The following TXNRD1 variants were observed in gnomAD, a reference collection of about 807,000 sequenced individuals.
The protein encoded by TXNRD1 is thioredoxin reductase 1, cytoplasmic.
TXNRD1 carries 57 observed loss-of-function variants against 80.3 expected under a neutral mutation model. That is an observed-to-expected ratio of 0.71 (90% CI 0.57 to 0.89). TXNRD1 has a LOEUF of 0.89. TXNRD1 is among the 40% of genes least tolerant of loss of function. The probability of loss-of-function intolerance (pLI) is 0.00; values close to 1 mark genes in which losing one functional copy is unlikely to be tolerated. For missense variants in TXNRD1, 730 were observed against 803.0 expected (o/e 0.91, Z 1.10); for synonymous variants, 291 against 285.2 (o/e 1.02, Z -0.20).
At chr12:104,267,665 C>CTTTCTT (rs1441409418) in intron 3 of TXNRD1, among the ~76,000 whole-genome samples, 1 of 32,822 alleles carries the variant, frequency 3.0e-5, no homozygotes, top group South Asian at 9.8e-4. Context: ...TTCTTTCTTT[C>CTTTCTT]TTTCTTTCTT....
chr12:104,219,466 C>G (rs2032299024), intron 1 of TXNRD1, among the ~76,000 whole-genome samples: 1 of 152,190 alleles, frequency 6.6e-6, no homozygotes, highest in Non-Finnish European at 1.5e-5. Context: ...AAGGCATGAT[C>G]TCAGTCCTTG....
At chr12:104,335,376 T>A (rs1168975757) in intron 15 of TXNRD1, among the ~76,000 whole-genome samples, 1 of 151,960 alleles carries the variant, frequency 6.6e-6, no homozygotes, top group Non-Finnish European at 1.5e-5. Flanking sequence ...TATTCTGTAT[T>A]TTTAGTAGAG....
At chr12:104,345,409 A>T (rs945485133) in intron 16 of TXNRD1, among the ~76,000 whole-genome samples, 5 of 152,238 alleles carry the variant, frequency 3.3e-5, no homozygotes, top group African/African-American at 1.2e-4. Flanking sequence ...TCTGAGGAGT[A>T]ATTACTTACA....
chr12:104,273,000 A>AT (rs1473888057), intron 3 of TXNRD1, among the ~76,000 whole-genome samples: 3 of 151,446 alleles, frequency 2.0e-5, no homozygotes, highest in Non-Finnish European at 4.4e-5. Flanking sequence ...CAAAAAAAAA[A>AT]GCATTTAAAA....
In TXNRD1 at chr12:104,251,632, A is replaced by G; in HGVS notation, c.197A>G (p.His66Arg). ...CTGCTTCAGGCCTATATAGATGGTCACTCTGTGGTCATCTTCAGTAGGTCC... is the reference window on the plus strand; with the variant it reads ...CTGCTTCAGGCCTATATAGATGGTCGCTCTGTGGTCATCTTCAGTAGGTCC... ...RALLQAYIDG[H>R]SVVIFSRSTC... is the part of the protein sequence containing the mutation. The change falls in exon 2 of 17, where the codon CAC becomes CGC. Residue 66 changes from histidine to arginine, a missense_variant. Coordinates refer to ENST00000525566, the MANE Select transcript of TXNRD1 (RefSeq NM_001093771.3). The G allele has an allele frequency of 6.2e-7, 1 of 1,613,808 alleles. No individual in the cohort carries two copies. Among genetic ancestry groups the G allele is most frequent in the Non-Finnish European group, 8.5e-7 (1 of 1,179,814 alleles).
chr12:104,225,715 CTTT>C (rs35057067), intron 1 of TXNRD1, among the ~76,000 whole-genome samples: 5 of 141,516 alleles, frequency 3.5e-5, no homozygotes, highest in African/African-American at 1.0e-4. Flanking sequence ...AATTAAACCT[CTTT>C]TTTTTTTTTT....
At chr12:104,301,621 G>GC (rs1373093458) in intron 4 of TXNRD1, among the ~76,000 whole-genome samples, 1 of 152,250 alleles carries the variant, frequency 6.6e-6, no homozygotes, top group Non-Finnish European at 1.5e-5. Context: ...ACAGGCGTGA[G>GC]CCACCGTGCC....
chr12:104,260,305 T>C (rs11111958), intron 3 of TXNRD1, among the ~76,000 whole-genome samples: 4,444 of 151,810 alleles, frequency 0.029, 186 homozygotes, highest in African/African-American at 0.1. Context: ...CCGTCTGTAC[T>C]AAAAATACAA....
At chr12:104,309,356 AAC>A (rs2035045593) in intron 4 of TXNRD1, among the ~76,000 whole-genome samples, 1 of 152,212 alleles carries the variant, frequency 6.6e-6, no homozygotes, top group Admixed American at 6.5e-5. Flanking sequence ...TTGAAGCTTG[AAC>A]CAGGAGAAGC....
At chr12:104,253,629 C>T (rs73394561) in intron 2 of TXNRD1, among the ~76,000 whole-genome samples, 2 of 152,062 alleles carry the variant, frequency 1.3e-5, no homozygotes, top group Non-Finnish European at 2.9e-5. Flanking sequence ...TCCCCCGCAC[C>T]GCCTGCCACT....
chr12:104,264,339 A>ATGTT (rs1389101360), intron 3 of TXNRD1, among the ~76,000 whole-genome samples: 1 of 152,210 alleles, frequency 6.6e-6, no homozygotes, highest in African/African-American at 2.4e-5. Flanking sequence ...ACATCATGGC[A>ATGTT]TGTTCATTTA....
rs1377856903 is a variant in TXNRD1 at position 104,318,972 on chromosome 12, T to C, written c.790T>C (p.Trp264Arg). ...AVQNHIGSLNWGYRVALREKK... is the reference protein window; with the variant it reads ...AVQNHIGSLNRGYRVALREKK... ...ACAGAATCACATTGGCTCTTTGAAT[T>C]GGGGCTACCGAGTAGCTCTGCGGGA... The change falls in exon 8 of 17, where the codon TGG becomes CGG. Residue 264 changes from tryptophan (W) to arginine (R), a missense_variant. Transcript: ENST00000525566. The C allele has an allele frequency of 6.2e-7, 1 of 1,613,988 alleles. No individual in the cohort carries two copies. The highest frequency in any genetic ancestry group is 2.2e-5 in the East Asian group (1 of 44,876).
chr12:104,237,508 C>G (rs1482939374), intron 1 of TXNRD1, among the ~76,000 whole-genome samples: 2 of 152,202 alleles, frequency 1.3e-5, no homozygotes, highest in Admixed American at 1.3e-4. Context: ...TTAGGGATCT[C>G]TCTTTGCCTT....
chr12:104,285,520 C>T (rs769429989), intron 3 of TXNRD1, among the ~76,000 whole-genome samples: 5 of 152,156 alleles, frequency 3.3e-5, no homozygotes, highest in Non-Finnish European at 5.9e-5. Context: ...TATAATCACT[C>T]TGAGCTGTCT....
chr12:104,343,615 A>G (rs1344186354), intron 16 of TXNRD1, among the ~76,000 whole-genome samples: 1 of 151,148 alleles, frequency 6.6e-6, no homozygotes, highest in Non-Finnish European at 1.5e-5. Context: ...GCCTGGCCAC[A>G]TAGCAAAACC....
chr12:104,300,310 C>T (rs990636801), intron 4 of TXNRD1, among the ~76,000 whole-genome samples: 7 of 152,018 alleles, frequency 4.6e-5, no homozygotes, highest in Admixed American at 3.9e-4. Flanking sequence ...AACTCTTGAG[C>T]GAAGAAAGAG....
At chr12:104,326,501 T>C (rs2035771261) in intron 12 of TXNRD1, 78 bp downstream of exon 12, 2 of 907,556 alleles carry the variant, frequency 2.2e-6, no homozygotes, top group South Asian at 1.7e-5. Context: ...GTTTCTCTCT[T>C]GTCTCCCAGG....
rs780660090 is a variant in TXNRD1 at position 104,247,359 on chromosome 12, C to T, written c.92-4168C>T. 4.4e-4 allele frequency among the ~76,000 whole-genome samples: 67 copies of T among 152,304 alleles called. 1 individual carries two copies. The highest frequency in any genetic ancestry group is 7.5e-4 in the Non-Finnish European group (51 of 68,034). On this transcript the variant is annotated intron_variant, in intron 1 of 16. Transcript: ENST00000525566. ...CTGGGATTACAGGTGTGAGCCACCACGCCTGGCCCATTACAGTTTTATCTG... is the reference window on the plus strand; with the variant it reads ...CTGGGATTACAGGTGTGAGCCACCATGCCTGGCCCATTACAGTTTTATCTG...
chr12:104,237,926 G>T (rs928557303), intron 1 of TXNRD1, among the ~76,000 whole-genome samples: 1 of 151,900 alleles, frequency 6.6e-6, no homozygotes, highest in Non-Finnish European at 1.5e-5. Flanking sequence ...CAGAAGAATC[G>T]CTTGAACCCA....
Sources: gnomAD v4.1 joint callset for allele counts (sites outside exome capture counted in the v4.1 genomes callset) on GRCh38, gnomAD v4.1.1 for gene constraint, MANE v1.5 for transcripts, NCBI Gene and HGNC (gene_info 2026-07-23, HGNC 2026-07-21) for gene names.